Variants in CMSS1 observed in about 807,000 individuals in gnomAD.
CMSS1 encodes cms1 ribosomal small subunit homolog.
Under a neutral mutation model 43.5 loss-of-function variants are expected in CMSS1, and 33 were observed. The ratio of observed to expected loss-of-function variants is 0.76; its 90% confidence interval spans 0.57 to 1.01. CMSS1 has a LOEUF of 1.01. Ranked by LOEUF, CMSS1 falls within the 50% of genes least tolerant of loss-of-function variation. The probability of loss-of-function intolerance (pLI) is 0.00; values close to 1 mark genes in which losing one functional copy is unlikely to be tolerated. For synonymous variants in CMSS1, 115 were observed against 117.2 expected, an observed-to-expected ratio of 0.98 and a Z score of 0.12; for missense variants, 313 against 326.4, an observed-to-expected ratio of 0.96 and a Z score of 0.32.
At chr3:99,985,975 C>G (rs892243822) in intron 1 of CMSS1, among the ~76,000 whole-genome samples, 2 of 152,162 alleles carry the variant, frequency 1.3e-5, no homozygotes, top group African/African-American at 4.8e-5. Flanking sequence ...CACATTTGTA[C>G]CACAATACTT....
At chr3:100,038,582 G>A (rs2065149685) in intron 1 of CMSS1, among the ~76,000 whole-genome samples, 1 of 152,152 alleles carries the variant, frequency 6.6e-6, no homozygotes, top group Admixed American at 6.5e-5. Flanking sequence ...TACTTTTGTA[G>A]GGACTGGAAG....
At chr3:100,106,534 C>G (rs2066398299) in intron 1 of CMSS1, among the ~76,000 whole-genome samples, 1 of 152,094 alleles carries the variant, frequency 6.6e-6, no homozygotes, top group Non-Finnish European at 1.5e-5. Context: ...ACTCTTTACC[C>G]AAAGAAAGGT....
At chr3:99,853,866 A>C (rs1363763582) in intron 1 of CMSS1, among the ~76,000 whole-genome samples, 1 of 152,196 alleles carries the variant, frequency 6.6e-6, no homozygotes, top group Non-Finnish European at 1.5e-5. Flanking sequence ...TATGCAGAAA[A>C]AACTATACCC....
At chr3:99,820,492 C>T (rs1297832124) in intron 1 of CMSS1, among the ~76,000 whole-genome samples, 3 of 152,274 alleles carry the variant, frequency 2.0e-5, no homozygotes, top group East Asian at 1.9e-4. Context: ...TCACCGCACC[C>T]GGCCAAGACT....
chr3:99,906,286 A>C (rs914506848), intron 1 of CMSS1, among the ~76,000 whole-genome samples: 3 of 152,116 alleles, frequency 2.0e-5, no homozygotes, highest in African/African-American at 7.2e-5. Context: ...GATGATTTAT[A>C]ATGTTGAAAC....
intron 1 of CMSS1, among the ~76,000 whole-genome samples, chr3:99,885,287 T>C (rs888308586): frequency 1.3e-5 from 2 of 152,232 alleles, no homozygotes; most frequent in African/African-American, 2.4e-5. Context: ...GGCTATTTCA[T>C]GGGGACCTGG....
rs56136227 is a variant in CMSS1, at chr3:100,063,042, A to G, written c.65-83931A>G. On this transcript the variant is annotated intron_variant, in intron 1 of 9. Coordinates refer to ENST00000421999, the MANE Select transcript of CMSS1 (RefSeq NM_032359.4). ...AGTTCTCAGGCATCCTCAAGATGGC[A>G]TTTGGAGTTCATTGAGGCCAAAGTC... Among the ~76,000 whole-genome samples, 84 of 152,362 alleles carry G rather than the reference A, an allele frequency of 5.5e-4. 1 individual carries two copies. Among genetic ancestry groups the G allele is most frequent in the Non-Finnish European group, 1.1e-3 (73 of 68,030 alleles).
intron 1 of CMSS1, among the ~76,000 whole-genome samples, chr3:100,027,319 C>T (rs1488945102): frequency 6.6e-6 from 1 of 152,106 alleles, no homozygotes; most frequent in Admixed American, 6.6e-5. Flanking sequence ...AAATGAGCCT[C>T]ACACATGGTA....
chr3:99,937,478 A>G (rs546414214), intron 1 of CMSS1, among the ~76,000 whole-genome samples: 3 of 152,386 alleles, frequency 2.0e-5, no homozygotes, highest in African/African-American at 7.2e-5. Flanking sequence ...TAGAAAGAGT[A>G]TGAGATTGTG....
chr3:100,164,120 G>A (rs2067047575), intron 4 of CMSS1, among the ~76,000 whole-genome samples: 1 of 152,206 alleles, frequency 6.6e-6, no homozygotes, highest in Non-Finnish European at 1.5e-5. Flanking sequence ...ACTAAGCCCA[G>A]ACAGTTCCAA....
chr3:100,003,480 G>A (rs772872270), intron 1 of CMSS1, among the ~76,000 whole-genome samples: 2 of 152,140 alleles, frequency 1.3e-5, no homozygotes, highest in African/African-American at 4.8e-5. Flanking sequence ...GCGTTCACAT[G>A]CATTTTTTCT....
intron 1 of CMSS1, among the ~76,000 whole-genome samples, chr3:100,087,900 G>A (rs1480653048): frequency 4.2e-5 from 6 of 142,656 alleles, no homozygotes; most frequent in Non-Finnish European, 6.0e-5. Context: ...GCAAGATCTC[G>A]ACTCACTGCA....
At chr3:99,941,662 T>C (rs910406664) in intron 1 of CMSS1, among the ~76,000 whole-genome samples, 2 of 152,216 alleles carry the variant, frequency 1.3e-5, no homozygotes, top group African/African-American at 4.8e-5. Context: ...ATTATATGGA[T>C]CATAGAATAT....
intron 1 of CMSS1, among the ~76,000 whole-genome samples, chr3:99,929,263 C>G (rs900509908): frequency 6.6e-6 from 1 of 152,156 alleles, no homozygotes. Context: ...CCACCTTTGC[C>G]GTTGTAATTG....
At chr3:100,042,515 CTTGTA>C (rs1458157227) in intron 1 of CMSS1, among the ~76,000 whole-genome samples, 1 of 152,122 alleles carries the variant, frequency 6.6e-6, no homozygotes, top group East Asian at 1.9e-4. Flanking sequence ...ATATCAGGCT[CTTGTA>C]TTATTTTATT....
intron 1 of CMSS1, among the ~76,000 whole-genome samples, chr3:100,076,222 G>A (rs1407485629): frequency 6.6e-6 from 1 of 152,114 alleles, no homozygotes; most frequent in Non-Finnish European, 1.5e-5. Flanking sequence ...GCTCAGTGGA[G>A]GCTTGTCTGT....
chr3:99,894,336 T>G (rs900068649), intron 1 of CMSS1, among the ~76,000 whole-genome samples: 6 of 152,172 alleles, frequency 3.9e-5, no homozygotes, highest in Non-Finnish European at 7.3e-5. Context: ...TGTTCATCTG[T>G]TGTGGGTGCC....
At chr3:100,169,426 A>G (rs930991449) in intron 6 of CMSS1, among the ~76,000 whole-genome samples, 2 of 152,252 alleles carry the variant, frequency 1.3e-5, no homozygotes, top group African/African-American at 4.8e-5. Context: ...GACAAAACAA[A>G]GGAAAATCCA....
Position 99,983,389 on chromosome 3 carries a change from A to AATATGTATATATATAT in CMSS1, c.65-163580_65-163579insGTATATATATATATAT, listed in dbSNP as rs1553702701. On this transcript the variant is annotated intron_variant, in intron 1 of 9. Coordinates refer to ENST00000421999, the MANE Select transcript of CMSS1 (RefSeq NM_032359.4). ...TCTCTACTTAAAAAATAAATAAATA[A>AATATGTATATATATAT]ATATATATATATATATATATATATA... Among the ~76,000 whole-genome samples the AATATGTATATATATAT allele has an allele frequency of 2.5e-3, 102 of 40,736 alleles. 10 individuals carry two copies. Among genetic ancestry groups the AATATGTATATATATAT allele is most frequent in the Non-Finnish European group, 3.4e-3 (76 of 22,244 alleles). The allele number at this position is 40,736 out of a possible 152,430, so 26.7% of individuals were successfully genotyped here.
Sources: gnomAD v4.1 joint callset for allele counts (sites outside exome capture counted in the v4.1 genomes callset) on GRCh38, gnomAD v4.1.1 for gene constraint, MANE v1.5 for transcripts, NCBI Gene and HGNC (gene_info 2026-07-23, HGNC 2026-07-21) for gene names.